BMP2: variants seen among roughly 807,000 people sequenced by gnomAD.
The protein encoded by BMP2 is bone morphogenetic protein 2.
BMP2 carries 2 observed loss-of-function variants against 28.8 expected under a neutral mutation model. The observed-to-expected ratio is 0.07, with a 90% CI of 0.03 to 0.22. BMP2 has a LOEUF of 0.22. Ranked by LOEUF, BMP2 falls within the 10% of genes least tolerant of loss-of-function variation. The probability of loss-of-function intolerance (pLI) is 1.00; values close to 1 mark genes in which losing one functional copy is unlikely to be tolerated. For missense variants in BMP2, 437 were observed against 517.7 expected (o/e 0.84, Z 1.51); for synonymous variants, 218 against 204.3 (o/e 1.07, Z -0.57).
intron 1 of BMP2, among the ~76,000 whole-genome samples, chr20:6,769,181 T>C (rs1345271379): frequency 1.3e-5 from 2 of 152,182 alleles, no homozygotes; most frequent in Admixed American, 6.5e-5. Flanking sequence ...TTTTAAAAAC[T>C]TTTTTGGGTC....
chr20:6,777,178 T>C (rs1177239019), intron 2 of BMP2, among the ~76,000 whole-genome samples: 1 of 152,162 alleles, frequency 6.6e-6, no homozygotes, highest in Non-Finnish European at 1.5e-5. Flanking sequence ...TGGAGAATAA[T>C]ACTTCTTAAA....
At chr20:6,777,303 C>A (rs1404227731) in intron 2 of BMP2, among the ~76,000 whole-genome samples, 1 of 152,098 alleles carries the variant, frequency 6.6e-6, no homozygotes, top group African/African-American at 2.4e-5. Context: ...TAGGATGAGA[C>A]TGTTCCTTTT....
chr20:6,768,908 G>A (rs1051734275), intron 1 of BMP2, 33 bp downstream of exon 1: 30 of 397,660 alleles, frequency 7.5e-5, no homozygotes, highest in African/African-American at 5.4e-4. Flanking sequence ...CGGGGTGGGT[G>A]GTGGGTGGGA....
rs1600173947 is a variant in BMP2 at position 6,779,670 on chromosome 20, T to C, written c.*581T>C. The C allele has an allele frequency of 6.5e-6, 1 of 152,764 alleles. No individual in the cohort carries two copies. The highest frequency in any genetic ancestry group is 2.4e-5 in the African/African-American group (1 of 41,570). The allele number at this position is 152,764 out of a possible 1,614,324, so 9.5% of individuals were successfully genotyped here. A position where few individuals can be genotyped will look rare whatever the true frequency, so the allele number is the denominator to read the frequency against. ...GCTGACTTTCAAGATTATTATATTATTCAATTCTCAGGAATGTTGCAGAGT... is the reference window on the plus strand; with the variant it reads ...GCTGACTTTCAAGATTATTATATTACTCAATTCTCAGGAATGTTGCAGAGT... On this transcript the variant is annotated 3_prime_UTR_variant, in exon 3 of 3. Coordinates refer to ENST00000378827, the MANE Select transcript of BMP2 (RefSeq NM_001200.4).
rs1302622350 is a variant in BMP2, at chr20:6,767,892, G to A, written c.-991G>A. 2.7e-6 allele frequency: 1 copy of A among 369,124 alleles called. No homozygotes were observed. The highest frequency in any genetic ancestry group is 2.1e-5 in the African/African-American group (1 of 47,408). 22.9% of individuals were successfully genotyped at this position (369,124 alleles called of 1,614,324 possible). A position where few individuals can be genotyped will look rare whatever the true frequency, so the allele number is the denominator to read the frequency against. On this transcript the variant is annotated 5_prime_UTR_variant, in exon 1 of 3. Coordinates refer to ENST00000378827, the MANE Select transcript of BMP2 (RefSeq NM_001200.4). ...GGGGACCGCGAGGCACCCGCGCGCC[G>A]CAGACCCCGCGCGGGCTGGAGCACC...
chr20:6,778,135 A>G lies in BMP2; in HGVS notation c.347-110A>G. ...TACCTACTTTTACATGGGTTACATC[A>G]AATCCCACGATGAGGTTTAAAAATT... On this transcript the variant is annotated intron_variant, in intron 2 of 2. Coordinates refer to ENST00000378827, the MANE Select transcript of BMP2 (RefSeq NM_001200.4). The surrounding 1 kb of genome is among the most constrained non-coding windows in gnomAD (Gnocchi z 5.0). 1 of 1,470,354 alleles carries G rather than the reference A, an allele frequency of 6.8e-7. No homozygotes were observed. The highest frequency in any genetic ancestry group is 9.1e-7 in the Non-Finnish European group (1 of 1,099,906). 91.1% of individuals were successfully genotyped at this position (1,470,354 alleles called of 1,614,324 possible).
Position 6,770,156 on chromosome 20 carries a change from G to T in BMP2, c.30G>T (p.Ala10=). The T allele has an allele frequency of 6.4e-7, 1 of 1,567,778 alleles. No homozygotes were observed. The highest frequency in any genetic ancestry group is 8.6e-7 in the Non-Finnish European group (1 of 1,157,226). The change falls in exon 2 of 3, where the codon GCG becomes GCT. Residue 10 remains alanine (A), a synonymous_variant. Coordinates refer to ENST00000378827, the MANE Select transcript of BMP2 (RefSeq NM_001200.4). ...TGGCCGGGACCCGCTGTCTTCTAGC[G>T]TTGCTGCTTCCCCAGGTCCTCCTGG... The part of the protein sequence containing the change: MVAGTRCLL[A]LLLPQVLLGG...
Position 6,768,279 on chromosome 20 carries a change from T to A in BMP2, c.-604T>A. On this transcript the variant is annotated 5_prime_UTR_variant, in exon 1 of 3. It removes an upstream start codon present in the reference 5' UTR. Transcript: ENST00000378827. ...GGTGCACTGGAGTAAGGCAGAGTGA[T>A]GCGGGGGGGCAACTCGCCTGGCACC... is the stretch of plus-strand genomic sequence containing the variant. 2.5e-6 allele frequency: 1 copy of A among 397,462 alleles called. No individual in the cohort carries two copies. 24.6% of individuals were successfully genotyped at this position (397,462 alleles called of 1,614,324 possible). A position where few individuals can be genotyped will look rare whatever the true frequency, so the allele number is the denominator to read the frequency against.
At chr20:6,775,851 G>A (rs935723397) in intron 2 of BMP2, among the ~76,000 whole-genome samples, 4 of 152,042 alleles carry the variant, frequency 2.6e-5, no homozygotes, top group African/African-American at 9.7e-5. Context: ...TTATGCATTG[G>A]GATTTAGGGT....
intron 2 of BMP2, among the ~76,000 whole-genome samples, chr20:6,775,661 T>C (rs921365781): frequency 2.6e-5 from 4 of 152,170 alleles, no homozygotes; most frequent in African/African-American, 9.7e-5. Flanking sequence ...GATTCAATCT[T>C]GTCATTTAAT....
chr20:6,770,318 A>G lies in BMP2; in HGVS notation c.192A>G (p.Lys64=). 1 of 1,613,538 alleles carries G rather than the reference A, an allele frequency of 6.2e-7. No homozygotes were observed. The highest frequency in any genetic ancestry group is 1.1e-5 in the South Asian group (1 of 91,082). Residue 64 remains lysine (K), a synonymous_variant, in exon 2 of 3, where the codon AAA becomes AAG. Coordinates refer to ENST00000378827, the MANE Select transcript of BMP2 (RefSeq NM_001200.4). ...ELRLLSMFGL[K]QRPTPSRDAV... ...GGCTGCTCAGCATGTTCGGCCTGAA[A>G]CAGAGACCCACCCCCAGCAGGGACG...
intron 2 of BMP2, among the ~76,000 whole-genome samples, chr20:6,774,248 G>C (rs1237799006): frequency 2.0e-5 from 3 of 151,966 alleles, no homozygotes; most frequent in Admixed American, 2.0e-4. Context: ...GGAACTGGCT[G>C]GGCATGATGG....
Position 6,777,369 on chromosome 20 carries a change from G to T in BMP2, c.347-876G>T, listed in dbSNP as rs1328142608. Among the ~76,000 whole-genome samples, 4 of 151,950 alleles carry T rather than the reference G, an allele frequency of 2.6e-5. 1 individual carries two copies. The East Asian group carries it at 5.8e-4, about 22-fold the overall frequency. ...ATTTTTATTATTTTTTTGGTTTTGT[G>T]TCCATCCTGCACACTATTACTGGGT... On this transcript the variant is annotated intron_variant, in intron 2 of 2. Transcript: ENST00000378827.
intron 1 of BMP2, among the ~76,000 whole-genome samples, chr20:6,769,617 G>GTGTGTGTGTGTA (rs1459907048): frequency 1.4e-5 from 2 of 144,536 alleles, no homozygotes; most frequent in African/African-American, 5.2e-5. Flanking sequence ...ATAAGGGTGT[G>GTGTGTGTGTGTA]TGTGTGTGTG....
At chr20:6,772,004 C>G (rs556368816) in intron 2 of BMP2, among the ~76,000 whole-genome samples, 1 of 152,056 alleles carries the variant, frequency 6.6e-6, no homozygotes, top group African/African-American at 2.4e-5. Context: ...TTTTAGACAC[C>G]TCTTCTGGAA....
Position 6,768,702 on chromosome 20 carries a change from C to T in BMP2, c.-181C>T, listed in dbSNP as rs1302257566. On this transcript the variant is annotated 5_prime_UTR_variant, in exon 1 of 3. Coordinates refer to ENST00000378827, the MANE Select transcript of BMP2 (RefSeq NM_001200.4). Reference sequence around the variant, plus strand: ...CCTTGCCCGACACTGAGACGCTGTTCCCAGCGTGAAAAGAGAGACTGCGCG... The same window carrying T: ...CCTTGCCCGACACTGAGACGCTGTTTCCAGCGTGAAAAGAGAGACTGCGCG... 2.5e-6 allele frequency: 1 copy of T among 397,004 alleles called. No homozygotes were observed. Among genetic ancestry groups the T allele is most frequent in the Non-Finnish European group, 4.4e-6 (1 of 225,346 alleles). 24.6% of individuals were successfully genotyped at this position (397,004 alleles called of 1,614,324 possible).
intron 2 of BMP2, among the ~76,000 whole-genome samples, chr20:6,777,901 C>T (rs1416817022): frequency 6.0e-5 from 9 of 149,522 alleles, no homozygotes; most frequent in African/African-American, 2.2e-4. Flanking sequence ...TTTTTTTTTA[C>T]CCTAAAGTCT....
In BMP2 at chr20:6,778,654, A is replaced by G. The variant is rs765866490; in HGVS notation, c.756A>G (p.Gln252=). The G allele has an allele frequency of 1.9e-6, 3 of 1,614,160 alleles. No homozygotes were observed. The Admixed American group carries it at 5.0e-5, about 27-fold the overall frequency. ...TTAGGATAAGCAGGTCTTTGCACCAAGATGAACACAGCTGGTCACAGATAA... is the reference window on the plus strand; with the variant it reads ...TTAGGATAAGCAGGTCTTTGCACCAGGATGAACACAGCTGGTCACAGATAA... The part of the protein sequence containing the change: ...RHVRISRSLH[Q]DEHSWSQIRP... The change falls in exon 3 of 3, where the codon CAA becomes CAG. Residue 252 remains glutamine, a synonymous_variant. Coordinates refer to ENST00000378827, the MANE Select transcript of BMP2 (RefSeq NM_001200.4). This position sits in a 1 kb window ranked among gnomAD's most constrained non-coding sequence, Gnocchi z 5.0.
intron 2 of BMP2, among the ~76,000 whole-genome samples, chr20:6,774,460 A>T (rs1986459795): frequency 6.6e-6 from 1 of 152,210 alleles, no homozygotes; most frequent in African/African-American, 2.4e-5. Flanking sequence ...TGGGAGGTGG[A>T]GGCTGCTGTG....
Sources: allele counts gnomAD v4.1 joint callset (sites outside exome capture counted in the v4.1 genomes callset), GRCh38; gene constraint gnomAD v4.1.1; non-coding constraint Gnocchi (gnomAD v3.1); transcripts MANE v1.5; gene names NCBI Gene and HGNC (gene_info 2026-07-23, HGNC 2026-07-21).